Variants in MCMDC2 observed in about 807,000 individuals in gnomAD.
The protein encoded by MCMDC2 is minichromosome maintenance domain-containing protein 2.
MCMDC2 carries 54 observed loss-of-function variants against 75.8 expected under a neutral mutation model. That is an observed-to-expected ratio of 0.71 (90% CI 0.57 to 0.89). The LOEUF is 0.89. MCMDC2 is among the 40% of genes least tolerant of loss of function. The pLI is 0.00. For missense variants in MCMDC2, 656 were observed against 780.4 expected (o/e 0.84, Z 1.90); for synonymous variants, 249 against 274.6 (o/e 0.91, Z 0.92).
chr8:66,872,092 A>G (rs1322018027), intron 1 of MCMDC2, among the ~76,000 whole-genome samples: 3 of 152,192 alleles, frequency 2.0e-5, no homozygotes, highest in Non-Finnish European at 4.4e-5. Flanking sequence ...TCTGAACACA[A>G]CACACATTTT....
chr8:66,895,193 G>A (rs572248265), intron 10 of MCMDC2, among the ~76,000 whole-genome samples: 3 of 152,266 alleles, frequency 2.0e-5, no homozygotes, highest in East Asian at 3.9e-4. Flanking sequence ...TTGTTATACT[G>A]TGTTGTTTTT....
In MCMDC2 at chr8:66,880,911, G is replaced by A; in HGVS notation, c.772G>A (p.Val258Ile). The A allele has an allele frequency of 6.4e-7, 1 of 1,568,796 alleles. No homozygotes were observed. The highest frequency in any genetic ancestry group is 8.6e-7 in the Non-Finnish European group (1 of 1,158,108). The change falls in exon 8 of 15, where the codon GTA becomes ATA. Residue 258 changes from valine to isoleucine, a missense_variant. Coordinates refer to ENST00000422365, the MANE Select transcript of MCMDC2 (RefSeq NM_173518.5). Reference sequence around the variant, plus strand: ...TAAAATTATTGGAATTCCAACCTGTGTAAAAACCTCACAAACTGCTGTCTG... The same window carrying A: ...TAAAATTATTGGAATTCCAACCTGTATAAAAACCTCACAAACTGCTGTCTG... Reference protein sequence around the residue: ...EYKIIGIPTCVKTSQTAVCIE... With the variant: ...EYKIIGIPTCIKTSQTAVCIE...
chr8:66,874,071 T>C lies in MCMDC2; in HGVS notation c.-70T>C. ...TTTCTAGGTTTTCACATCCTTTCTA[T>C]GAGTTTCGCCATCTATAGCTTTTAT... On this transcript the variant is annotated 5_prime_UTR_variant, in exon 2 of 15. It removes an upstream start codon present in the reference 5' UTR. Transcript: ENST00000422365. The C allele has an allele frequency of 1.0e-6, 1 of 1,000,994 alleles. No individual in the cohort carries two copies. Among genetic ancestry groups the C allele is most frequent in the Non-Finnish European group, 1.5e-6 (1 of 689,126 alleles). 62.0% of individuals were successfully genotyped at this position (1,000,994 alleles called of 1,614,324 possible). A position where few individuals can be genotyped will look rare whatever the true frequency, so the allele number is the denominator to read the frequency against.
chr8:66,871,832 A>G (rs1320856868), intron 1 of MCMDC2, among the ~76,000 whole-genome samples: 1 of 151,910 alleles, frequency 6.6e-6, no homozygotes, highest in African/African-American at 2.4e-5. Context: ...CCCGGGAGGT[A>G]GAGGCTGCAG....
intron 12 of MCMDC2, among the ~76,000 whole-genome samples, chr8:66,899,680 T>C (rs575936751): frequency 6.6e-4 from 101 of 151,942 alleles, no homozygotes; most frequent in African/African-American, 2.2e-3. Context: ...GTATTTTTAG[T>C]AGAGACAGGG....
chr8:66,885,332 CAAA>C (rs34478390), intron 9 of MCMDC2, among the ~76,000 whole-genome samples: 1 of 83,584 alleles, frequency 1.2e-5, no homozygotes. Flanking sequence ...GACTCTGTCT[CAAA>C]AAAAAAAAAA....
chr8:66,900,309 G>A (rs954552366), intron 12 of MCMDC2, among the ~76,000 whole-genome samples: 3 of 151,526 alleles, frequency 2.0e-5, no homozygotes, highest in African/African-American at 4.8e-5. Flanking sequence ...GTGGTGGTAC[G>A]CGCCTATAAT....
chr8:66,906,058 A>G (rs1812895100), intron 14 of MCMDC2, among the ~76,000 whole-genome samples: 1 of 151,970 alleles, frequency 6.6e-6, no homozygotes, highest in Admixed American at 6.6e-5. Flanking sequence ...TTGTATCACC[A>G]CCTTTGCTGA....
At chr8:66,917,364 A>G (rs1175655519) in intron 14 of MCMDC2, among the ~76,000 whole-genome samples, 2 of 152,218 alleles carry the variant, frequency 1.3e-5, no homozygotes, top group Non-Finnish European at 2.9e-5. Flanking sequence ...TTAATGAATA[A>G]AAGAGAAGAG....
chr8:66,892,360 G>C (rs1176680372), intron 10 of MCMDC2, among the ~76,000 whole-genome samples: 1 of 152,212 alleles, frequency 6.6e-6, no homozygotes, highest in East Asian at 1.9e-4. Context: ...AGCCTGCCAG[G>C]AGAATGTCAT....
At chr8:66,915,504 TTTTATATA>T (rs904333670) in intron 14 of MCMDC2, among the ~76,000 whole-genome samples, 23 of 147,400 alleles carry the variant, frequency 1.6e-4, no homozygotes, top group African/African-American at 2.7e-4. Flanking sequence ...TTTATATATG[TTTTATATA>T]TTTATATATT....
At position 66,880,862 on chromosome 8, in the gene MCMDC2, T is replaced by C. The variant is rs1173850255; in HGVS notation, c.723T>C (p.Asn241=). The C allele has an allele frequency of 6.5e-7, 1 of 1,537,450 alleles. No homozygotes were observed. The highest frequency in any genetic ancestry group is 8.7e-7 in the Non-Finnish European group (1 of 1,144,394). The change falls in exon 8 of 15, where the codon AAT becomes AAC. Residue 241 remains asparagine (N), a synonymous_variant. Transcript: ENST00000422365. The stretch of plus-strand genomic sequence containing the variant: ...TAATAATTTTAGATGAATCAGTGAA[T>C]AAAATGAATATAGGAAATGAATATA... ...LTIFLRDESV[N]KMNIGNEYKI...
Position 66,874,518 on chromosome 8 carries a change from A to T in MCMDC2, c.226-9A>T, listed in dbSNP as rs752450448. 2 of 1,612,780 alleles carry T rather than the reference A, an allele frequency of 1.2e-6. No homozygotes were observed. The highest frequency in any genetic ancestry group is 1.7e-6 in the Non-Finnish European group (2 of 1,179,664). ...AATTTTTGGTAACTTTTTTTGTTTG[A>T]AATCACAGGTCTGTTTTATTGCTGT... On this transcript the variant is annotated splice_polypyrimidine_tract_variant and intron_variant, in intron 3 of 14. Transcript: ENST00000422365.
At chr8:66,893,382 G>A (rs980739739) in intron 10 of MCMDC2, among the ~76,000 whole-genome samples, 2 of 152,148 alleles carry the variant, frequency 1.3e-5, no homozygotes, top group Admixed American at 1.3e-4. Context: ...GGGTGTATTA[G>A]TCTGTTTTCA....
At chr8:66,922,585 C>A (rs368646797), downstream of MCMDC2, 7 of 513,660 alleles carry the variant, frequency 1.4e-5, no homozygotes, top group Non-Finnish European at 2.3e-5. Context: ...GAATACATCA[C>A]ATAACTAACA....
intron 12 of MCMDC2, 33 bp from the exon 13 acceptor site, chr8:66,901,173 G>A (rs746287951): frequency 2.6e-6 from 4 of 1,513,628 alleles, no homozygotes; most frequent in East Asian, 4.5e-5. Context: ...CCATAATAAA[G>A]CTTGATTATC....
intron 5 of MCMDC2, among the ~76,000 whole-genome samples, chr8:66,878,271 T>C (rs771674086): frequency 3.9e-5 from 6 of 152,192 alleles, no homozygotes; most frequent in Non-Finnish European, 7.3e-5. Flanking sequence ...AAATTATCTG[T>C]TTCTCACTGC....
rs550282228 is a variant in MCMDC2, at chr8:66,875,481, G to T, written c.285+895G>T. On this transcript the variant is annotated intron_variant, in intron 4 of 14. Coordinates refer to ENST00000422365, the MANE Select transcript of MCMDC2 (RefSeq NM_173518.5). ...TTTAGTAAAGACGAGGTTTCTCCAT[G>T]TTGGTCAGGCTGGTCTTGAACTCCC... 5.3e-5 allele frequency among the ~76,000 whole-genome samples: 8 copies of T among 152,222 alleles called. No homozygotes were observed. In the South Asian group the frequency reaches 1.7e-3, roughly 32 times the overall value.
chr8:66,890,317 C>T lies in MCMDC2; in HGVS notation c.1074-548C>T, dbSNP rs141498254. Among the ~76,000 whole-genome samples the T allele has an allele frequency of 3.9e-3, 588 of 151,820 alleles. 4 individuals are homozygous for T. Among genetic ancestry groups the T allele is most frequent in the Non-Finnish European group, 6.3e-3 (427 of 67,988 alleles). On this transcript the variant is annotated intron_variant, in intron 9 of 14. Coordinates refer to ENST00000422365, the MANE Select transcript of MCMDC2 (RefSeq NM_173518.5). ...TTGACTTCAAGTGATCTGCCTGCCT[C>T]GGCCTCCCAAAGTGTTGGGATTACA...
Sources: allele counts gnomAD v4.1 joint callset (sites outside exome capture counted in the v4.1 genomes callset), GRCh38; gene constraint gnomAD v4.1.1; transcripts MANE v1.5; gene names NCBI Gene and HGNC (gene_info 2026-07-23, HGNC 2026-07-21).